The following CLVS1 variants were observed in gnomAD, a reference collection of about 807,000 sequenced individuals.
CLVS1 encodes clavesin 1.
In CLVS1, 10 loss-of-function variants were observed where a neutral mutation model predicts 33.1. That is an observed-to-expected ratio of 0.30 (90% CI 0.19 to 0.51). The LOEUF is 0.51. Ranked by LOEUF, CLVS1 falls within the 20% of genes least tolerant of loss-of-function variation. The probability of loss-of-function intolerance (pLI) is 0.97; values close to 1 mark genes in which losing one functional copy is unlikely to be tolerated. For synonymous variants in CLVS1, 163 were observed against 166.1 expected (o/e 0.98, Z 0.14); for missense variants, 343 against 433.4 (o/e 0.79, Z 1.85).
chr8:61,008,012 G>A, the CLVS1 span, among the ~76,000 whole-genome samples: 1 of 152,192 alleles, frequency 6.6e-6, no homozygotes, highest in Non-Finnish European at 1.5e-5. Context: ...AGGGACTCCT[G>A]CCCAGGAACG....
At chr8:61,084,735 G>C (rs1585597932) in intron 1 of CLVS1, among the ~76,000 whole-genome samples, 1 of 152,296 alleles carries the variant, frequency 6.6e-6, no homozygotes, top group Non-Finnish European at 1.5e-5. Context: ...ACCTGTGAAA[G>C]TTTCTTGAAA....
chr8:61,373,407 A>T (rs546696797), intron 2 of CLVS1, among the ~76,000 whole-genome samples: 24 of 152,300 alleles, frequency 1.6e-4, no homozygotes, highest in African/African-American at 5.1e-4. Flanking sequence ...CAGGAACATA[A>T]CATTTCCTTC....
intron 2 of CLVS1, among the ~76,000 whole-genome samples, chr8:61,304,055 G>C (rs1810527727): frequency 6.6e-6 from 1 of 152,208 alleles, no homozygotes. Context: ...CTTTCACACA[G>C]ACCCAGCCCT....
chr8:61,210,079 A>G (rs1279776054), intron 2 of CLVS1, among the ~76,000 whole-genome samples: 5 of 152,252 alleles, frequency 3.3e-5, no homozygotes, highest in Admixed American at 1.3e-4. Flanking sequence ...CCCTGAAAGT[A>G]AACACTCAAA....
chr8:61,360,819 T>C (rs1812942758), intron 2 of CLVS1, among the ~76,000 whole-genome samples: 1 of 152,088 alleles, frequency 6.6e-6, no homozygotes, highest in Non-Finnish European at 1.5e-5. Flanking sequence ...AAGCAATAAA[T>C]GCTATAGTTG....
the CLVS1 span, among the ~76,000 whole-genome samples, chr8:60,971,731 G>C: frequency 6.6e-6 from 1 of 152,204 alleles, no homozygotes; most frequent in East Asian, 1.9e-4. Flanking sequence ...TTTCCCAGAG[G>C]AGAATTTGCC....
rs973490347 is a variant in CLVS1, at chr8:61,299,921, C to G, written c.94C>G (p.Pro32Ala). Residue 32 changes from proline (P) to alanine (A), a missense_variant, in exon 2 of 6, where the codon CCA becomes GCA. By Grantham distance (27) the Pro-to-Ala change is conservative. Around this residue, in one of 4 missense-constraint regions of CLVS1, gnomAD observed 88 missense variants for 77.3 expected, o/e 1.14. Coordinates refer to ENST00000325897, the MANE Select transcript of CLVS1 (RefSeq NM_173519.3). ...GACCCATTTACAGGCTGGACTCAGT[C>G]CAGAGACTATAGAGAAAGCTCGCCT... is the stretch of plus-strand genomic sequence containing the variant. ...KMTHLQAGLS[P>A]ETIEKARLEL... The G allele has an allele frequency of 1.2e-6, 2 of 1,613,818 alleles. No individual in the cohort carries two copies. Among genetic ancestry groups the G allele is most frequent in the African/African-American group, 2.7e-5 (2 of 74,894 alleles).
chr8:61,409,038 G>C (rs1318173071), intron 3 of CLVS1, among the ~76,000 whole-genome samples: 4 of 152,156 alleles, frequency 2.6e-5, no homozygotes, highest in South Asian at 4.1e-4. Context: ...GAACAGAAAA[G>C]AAAAAGAGAC....
At chr8:60,993,889 G>T in the CLVS1 span, among the ~76,000 whole-genome samples, 39 of 152,344 alleles carry the variant, frequency 2.6e-4, no homozygotes, top group East Asian at 6.2e-3. Context: ...GTGAAAGTCA[G>T]AAGATGTGTT....
intron 2 of CLVS1, among the ~76,000 whole-genome samples, chr8:61,361,696 T>C (rs1347668768): frequency 6.6e-6 from 1 of 152,202 alleles, no homozygotes; most frequent in Non-Finnish European, 1.5e-5. Context: ...CCACCATGTT[T>C]CTATCCCTAC....
intron 3 of CLVS1, among the ~76,000 whole-genome samples, chr8:61,442,836 G>A (rs1286701889): frequency 1.3e-5 from 2 of 152,088 alleles, no homozygotes; most frequent in Non-Finnish European, 2.9e-5. Context: ...CTGACCTCGT[G>A]ATCCGCCCGC....
intron 5 of CLVS1, among the ~76,000 whole-genome samples, chr8:61,485,254 A>G (rs1803832687): frequency 6.6e-6 from 1 of 152,234 alleles, no homozygotes; most frequent in Non-Finnish European, 1.5e-5. Flanking sequence ...ACAAGAAAAA[A>G]ACAAACAACC....
At chr8:61,022,761 C>T in the CLVS1 span, among the ~76,000 whole-genome samples, 1 of 152,196 alleles carries the variant, frequency 6.6e-6, no homozygotes, top group Non-Finnish European at 1.5e-5. Context: ...GTGCCAAAAT[C>T]AGTTACGCTG....
chr8:61,115,236 A>G (rs1805696145), intron 1 of CLVS1, among the ~76,000 whole-genome samples: 1 of 152,228 alleles, frequency 6.6e-6, no homozygotes, highest in Non-Finnish European at 1.5e-5. Context: ...GATAATAACC[A>G]TTTCTCACTG....
the CLVS1 span, among the ~76,000 whole-genome samples, chr8:60,972,431 A>T: frequency 6.6e-6 from 1 of 152,186 alleles, no homozygotes; most frequent in South Asian, 2.1e-4. Flanking sequence ...AAGTTTATTA[A>T]TTTTAAAACT....
rs2129286720 is a variant in CLVS1 at position 61,102,666 on chromosome 8, A to C, written c.-242-29104A>C. ...ACTATAGACCATAGTAAAAAGCTCC[A>C]TGACCCTCACAAGTTCTTCACTCCT... On this transcript the variant is annotated intron_variant, in intron 1 of 2. Coordinates refer to the CLVS1 transcript ENST00000522621. Among the ~76,000 whole-genome samples the C allele has an allele frequency of 2.0e-5, 3 of 152,336 alleles. No individual in the cohort carries two copies. In the Middle Eastern group the frequency reaches 0.01, roughly 518 times the overall value.
chr8:61,133,081 G>T (rs989903132), intron 2 of CLVS1, among the ~76,000 whole-genome samples: 18 of 152,148 alleles, frequency 1.2e-4, no homozygotes, highest in African/African-American at 3.9e-4. Flanking sequence ...CCACTGCAAA[G>T]TCTGGAAATG....
At chr8:61,208,209 A>T (rs1264198696) in intron 2 of CLVS1, among the ~76,000 whole-genome samples, 2 of 152,162 alleles carry the variant, frequency 1.3e-5, no homozygotes, top group African/African-American at 4.8e-5. Context: ...TTGCTAAGGG[A>T]GGTTATTTAT....
Position 61,111,481 on chromosome 8 carries a change from A to G in CLVS1, c.-242-20289A>G, listed in dbSNP as rs1022353243. ...CAAAATAATTGGGAATGGAAAGGAAACTGAAATCAGCATCAATTTGTGATT... is the reference window on the plus strand; with the variant it reads ...CAAAATAATTGGGAATGGAAAGGAAGCTGAAATCAGCATCAATTTGTGATT... On this transcript the variant is annotated intron_variant, in intron 1 of 2. Transcript: ENST00000522621. Among the ~76,000 whole-genome samples the G allele has an allele frequency of 4.6e-5, 7 of 152,222 alleles. No homozygotes were observed. The South Asian group carries it at 1.4e-3, about 32-fold the overall frequency.
Sources: allele counts gnomAD v4.1 joint callset (sites outside exome capture counted in the v4.1 genomes callset), GRCh38; gene constraint gnomAD v4.1.1; regional missense constraint gnomAD v4.1.1; transcripts MANE v1.5; gene names NCBI Gene and HGNC (gene_info 2026-07-23, HGNC 2026-07-21).